The following AATF variants were observed in gnomAD, a reference collection of about 807,000 sequenced individuals.
The protein encoded by AATF is protein AATF.
Under a neutral mutation model 63.7 loss-of-function variants are expected in AATF, and 48 were observed. That is an observed-to-expected ratio of 0.75 (90% confidence interval 0.60 to 0.96). AATF has a LOEUF of 0.96. Ranked by LOEUF, AATF falls within the 40% of genes least tolerant of loss-of-function variation. The probability of loss-of-function intolerance (pLI) is 0.00; values close to 1 mark genes in which losing one functional copy is unlikely to be tolerated. For missense variants in AATF, 639 were observed against 685.7 expected (o/e 0.93, Z 0.76); for synonymous variants, 258 against 247.7 (o/e 1.04, Z -0.39).
At chr17:36,985,589 G>A (rs1014505794) in intron 4 of AATF, among the ~76,000 whole-genome samples, 1 of 151,670 alleles carries the variant, frequency 6.6e-6, no homozygotes, top group Non-Finnish European at 1.5e-5. Flanking sequence ...TGTCGTCCAG[G>A]CCAGAGTGCA....
chr17:37,020,921 G>C lies in AATF; in HGVS notation c.1467-13G>C. 1 of 1,607,532 alleles carries C rather than the reference G, an allele frequency of 6.2e-7. No homozygotes were observed. Among genetic ancestry groups the C allele is most frequent in the Non-Finnish European group, 8.5e-7 (1 of 1,176,666 alleles). On this transcript the variant is annotated splice_polypyrimidine_tract_variant and intron_variant, in intron 9 of 11. Transcript: ENST00000619387. ...TTAGTGATGATGCATAACATTGCTTGTGAATTTTCCAGGCAGTGGCTTGCA... is the reference window on the plus strand; with the variant it reads ...TTAGTGATGATGCATAACATTGCTTCTGAATTTTCCAGGCAGTGGCTTGCA...
At chr17:36,997,271 G>T (rs2071261520) in intron 8 of AATF, among the ~76,000 whole-genome samples, 1 of 152,038 alleles carries the variant, frequency 6.6e-6, no homozygotes, top group Admixed American at 6.6e-5. Context: ...CAAAGAAAGG[G>T]GAAGTTTATA....
chr17:36,960,081 T>A (rs1052787340), intron 4 of AATF, among the ~76,000 whole-genome samples: 1 of 151,842 alleles, frequency 6.6e-6, no homozygotes, highest in African/African-American at 2.4e-5. Flanking sequence ...TGGTGCGACC[T>A]TGGCTCACTG....
chr17:37,016,713 T>G (rs542050245), intron 8 of AATF, among the ~76,000 whole-genome samples: 1 of 147,890 alleles, frequency 6.8e-6, no homozygotes, highest in Non-Finnish European at 1.5e-5. Context: ...TCAAATCTCT[T>G]TTTTTTTTTT....
chr17:37,051,697 G>GACAGAC lies in AATF; in HGVS notation c.1620-4901_1620-4900insGACACA, dbSNP rs1242892984. Among the ~76,000 whole-genome samples the GACAGAC allele has an allele frequency of 6.6e-5, 9 of 137,228 alleles. No individual in the cohort carries two copies. The East Asian group carries it at 1.7e-3, about 26-fold the overall frequency. The allele number at this position is 137,228 out of a possible 152,430, so 90.0% of individuals were successfully genotyped here. A position where few individuals can be genotyped will look rare whatever the true frequency, so the allele number is the denominator to read the frequency against. On this transcript the variant is annotated intron_variant, in intron 11 of 11. Coordinates refer to ENST00000619387, the MANE Select transcript of AATF (RefSeq NM_012138.4). Reference sequence around the variant, plus strand: ...CCTAAGACAGACAGACAGACAGACAGACACACACACACACACACACACACA... The same window carrying GACAGAC: ...CCTAAGACAGACAGACAGACAGACAGACAGACACACACACACACACACACACACACA...
chr17:36,949,382 G>GCTT (rs1451522768), intron 1 of AATF, among the ~76,000 whole-genome samples, 166 bp downstream of exon 1: 1 of 152,234 alleles, frequency 6.6e-6, no homozygotes, highest in African/African-American at 2.4e-5. Context: ...CGGGAGGAGG[G>GCTT]CTTCGGCTTC....
intron 2 of AATF, 145 bp downstream of exon 2, chr17:36,950,550 A>C (rs149687997): frequency 5.9e-6 from 5 of 847,412 alleles, no homozygotes; most frequent in Non-Finnish European, 8.9e-6. Flanking sequence ...CCCAGGCTGG[A>C]GTGTGATGGC....
Position 36,950,327 on chromosome 17 carries a change from A to C in AATF, c.205A>C (p.Lys69Gln). 6.2e-7 allele frequency: 1 copy of C among 1,614,184 alleles called. No homozygotes were observed. The highest frequency in any genetic ancestry group is 2.2e-5 in the East Asian group (1 of 44,886). ...LASASLLDTD[K>Q]RYCGKTTSRK... ...ATCAGCCTCCCTCTTGGACACGGAC[A>C]AAAGGTATTGCGGCAAAACCACCTC... Residue 69 changes from lysine to glutamine, a missense_variant, in exon 2 of 12, where the codon AAA becomes CAA. Physicochemically the swap from Lys to Gln is moderately conservative, Grantham distance 53 (BLOSUM62 1). Coordinates refer to ENST00000619387, the MANE Select transcript of AATF (RefSeq NM_012138.4).
intron 7 of AATF, 57 bp downstream of exon 7, chr17:36,989,468 G>C (rs2071196676): frequency 6.7e-7 from 1 of 1,492,070 alleles, no homozygotes; most frequent in Non-Finnish European, 9.0e-7. Flanking sequence ...AGGCTTATTA[G>C]CTGAAAAACT....
At chr17:36,991,533 G>A (rs1361430362) in intron 8 of AATF, among the ~76,000 whole-genome samples, 2 of 151,400 alleles carry the variant, frequency 1.3e-5, no homozygotes, top group Non-Finnish European at 2.9e-5. Flanking sequence ...CATTTGGGCT[G>A]TTCTAGAGAA....
At chr17:36,966,014 A>T (rs2070988911) in intron 4 of AATF, among the ~76,000 whole-genome samples, 1 of 152,186 alleles carries the variant, frequency 6.6e-6, no homozygotes, top group Admixed American at 6.5e-5. Flanking sequence ...CTTAGTAAGT[A>T]TGAAGACTGG....
At chr17:36,998,216 C>T (rs2071268889) in intron 8 of AATF, among the ~76,000 whole-genome samples, 2 of 150,110 alleles carry the variant, frequency 1.3e-5, no homozygotes, top group South Asian at 2.1e-4. Context: ...AACCCAGTAA[C>T]TTATGGAAAA....
chr17:37,016,790 A>T (rs547347319), intron 8 of AATF, among the ~76,000 whole-genome samples: 2 of 152,272 alleles, frequency 1.3e-5, no homozygotes, highest in South Asian at 2.1e-4. Flanking sequence ...GCTTTGGGAA[A>T]ATAGTAATAG....
chr17:37,015,677 C>T (rs1296353936), intron 8 of AATF, among the ~76,000 whole-genome samples: 1 of 152,130 alleles, frequency 6.6e-6, no homozygotes, highest in Non-Finnish European at 1.5e-5. Flanking sequence ...ACCATAGCAA[C>T]TTTGAAATCT....
At chr17:36,966,894 G>C (rs2070995834) in intron 4 of AATF, among the ~76,000 whole-genome samples, 1 of 152,122 alleles carries the variant, frequency 6.6e-6, no homozygotes, top group Non-Finnish European at 1.5e-5. Context: ...ATGAGCCACT[G>C]TGCCCTCATT....
intron 11 of AATF, among the ~76,000 whole-genome samples, chr17:37,038,422 A>G (rs1398654829): frequency 3.3e-5 from 5 of 152,280 alleles, no homozygotes; most frequent in African/African-American, 1.2e-4. Flanking sequence ...AGGGACATTC[A>G]TGTGAACCTG....
At chr17:36,984,392 C>G (rs2071150853) in intron 4 of AATF, among the ~76,000 whole-genome samples, 1 of 152,100 alleles carries the variant, frequency 6.6e-6, no homozygotes, top group African/African-American at 2.4e-5. Flanking sequence ...GAGGTTCAGA[C>G]AGGGAGAGGT....
chr17:36,950,451 TC>T, intron 2 of AATF, 46 bp downstream of exon 2: 2 of 1,571,632 alleles, frequency 1.3e-6, no homozygotes, highest in Non-Finnish European at 1.7e-6. Context: ...CCTAATTTTT[TC>T]AGGGTTAAAA....
chr17:37,035,229 T>A (rs1160347028), intron 11 of AATF, among the ~76,000 whole-genome samples: 8 of 151,746 alleles, frequency 5.3e-5, no homozygotes, highest in Non-Finnish European at 1.0e-4. Context: ...TTTTTATTAT[T>A]TTTTTTTGAG....
Sources: allele counts gnomAD v4.1 joint callset (sites outside exome capture counted in the v4.1 genomes callset), GRCh38; gene constraint gnomAD v4.1.1; transcripts MANE v1.5; gene names NCBI Gene and HGNC (gene_info 2026-07-23, HGNC 2026-07-21).